Variants in VPS13B observed in about 807,000 individuals in gnomAD.
The protein encoded by VPS13B is intermembrane lipid transfer protein VPS13B.
A neutral mutation model predicts 426.4 loss-of-function variants in VPS13B; 285 were observed. The ratio of observed to expected loss-of-function variants is 0.67; its 90% CI spans 0.61 to 0.74. The LOEUF (loss-of-function observed/expected upper bound fraction) is 0.74. VPS13B is among the 30% of genes least tolerant of loss of function. The pLI, the probability that VPS13B is intolerant of heterozygous loss-of-function variation, is 0.00. For missense variants in VPS13B, 4,537 were observed against 4,782.6 expected (o/e 0.95, Z 1.51); for synonymous variants, 1,676 against 1,676.4 (o/e 1.00, Z 0.01).
chr8:99,441,177 T>C (rs1381950947), intron 22 of VPS13B, among the ~76,000 whole-genome samples: 1 of 152,110 alleles, frequency 6.6e-6, no homozygotes, highest in East Asian at 1.9e-4. Context: ...AAATTTTACC[T>C]GTATTTTTCA....
At chr8:99,238,047 G>A (rs931817192) in intron 17 of VPS13B, among the ~76,000 whole-genome samples, 11 of 152,092 alleles carry the variant, frequency 7.2e-5, no homozygotes, top group African/African-American at 2.4e-4. Flanking sequence ...TTTGTGGGTC[G>A]TGCTTTTCCA....
rs549777375 is a variant in VPS13B, at chr8:99,063,208, T to C, written c.291+24642T>C. ...CAACTGAGGTACCTGGTTCCTCTCATTGGGACTGGTTGGACAGTGGGTGCA... is the reference window on the plus strand; with the variant it reads ...CAACTGAGGTACCTGGTTCCTCTCACTGGGACTGGTTGGACAGTGGGTGCA... On this transcript the variant is annotated intron_variant, in intron 3 of 61. Coordinates refer to ENST00000357162, the MANE Select transcript of VPS13B (RefSeq NM_152564.5). Among the ~76,000 whole-genome samples, 14 of 152,226 alleles carry C rather than the reference T, an allele frequency of 9.2e-5. No homozygotes were observed. The South Asian group carries it at 2.1e-3, about 23-fold the overall frequency.
At chr8:99,121,597 C>T (rs1847936551) in intron 8 of VPS13B, 152 bp downstream of exon 8, 14 of 1,443,108 alleles carry the variant, frequency 9.7e-6, no homozygotes, top group South Asian at 1.6e-5. Context: ...TTACATGGCT[C>T]CTCCACTTGA....
chr8:99,182,528 A>G (rs1812997036), intron 16 of VPS13B, among the ~76,000 whole-genome samples: 2 of 152,218 alleles, frequency 1.3e-5, no homozygotes, highest in Admixed American at 6.5e-5. Context: ...TAAAGAAAAA[A>G]GGACTGAAAA....
At chr8:99,768,581 A>G (rs894562570) in intron 40 of VPS13B, among the ~76,000 whole-genome samples, 3 of 152,204 alleles carry the variant, frequency 2.0e-5, no homozygotes, top group African/African-American at 7.2e-5. Context: ...TTGTAGCCTC[A>G]TAGTCTTTTT....
intron 35 of VPS13B, among the ~76,000 whole-genome samples, chr8:99,669,802 A>G (rs1438840890): frequency 2.6e-5 from 4 of 152,026 alleles, no homozygotes; most frequent in Non-Finnish European, 5.9e-5. Flanking sequence ...GTTGACTTGA[A>G]CTGGTTATAA....
intron 52 of VPS13B, among the ~76,000 whole-genome samples, chr8:99,834,653 T>C (rs115384526): frequency 2.5e-4 from 38 of 152,176 alleles, no homozygotes; most frequent in African/African-American, 7.9e-4. Context: ...CCTCCCAGGC[T>C]CCAGCCATCC....
At chr8:99,163,786 A>G (rs950578506) in intron 15 of VPS13B, among the ~76,000 whole-genome samples, 1 of 150,136 alleles carries the variant, frequency 6.7e-6, no homozygotes, top group African/African-American at 2.5e-5. Context: ...CTCTCCCTCC[A>G]CACCTCCCTG....
chr8:99,549,751 C>T (rs1824177966), intron 30 of VPS13B, among the ~76,000 whole-genome samples: 1 of 152,110 alleles, frequency 6.6e-6, no homozygotes, highest in South Asian at 2.1e-4. Flanking sequence ...ATTGCTTTCT[C>T]CCCTGCCTCT....
intron 15 of VPS13B, 88 bp from the exon 16 acceptor site, chr8:99,169,951 G>A: frequency 6.7e-7 from 1 of 1,493,440 alleles, no homozygotes; most frequent in Non-Finnish European, 9.3e-7. Flanking sequence ...TGCAGCTGTT[G>A]TAAAGCAAGT....
intron 2 of VPS13B, among the ~76,000 whole-genome samples, chr8:99,028,699 G>T (rs1269495973): frequency 2.1e-5 from 3 of 142,642 alleles, no homozygotes; most frequent in Non-Finnish European, 4.6e-5. Context: ...CCCGGACGGG[G>T]CGGCTGGCCG....
chr8:99,836,288 A>T (rs182178173), intron 54 of VPS13B, among the ~76,000 whole-genome samples: 1 of 152,286 alleles, frequency 6.6e-6, no homozygotes, highest in East Asian at 1.9e-4. Flanking sequence ...TGGACTTAAA[A>T]TTTACCATTT....
chr8:99,798,290 T>C (rs1038070032), intron 43 of VPS13B, among the ~76,000 whole-genome samples: 6 of 151,926 alleles, frequency 3.9e-5, no homozygotes, highest in Admixed American at 2.0e-4. Context: ...TGAGGGAGCT[T>C]ACAGTGCCTT....
At chr8:99,303,383 CAT>C (rs1820473419) in intron 19 of VPS13B, among the ~76,000 whole-genome samples, 2 of 151,124 alleles carry the variant, frequency 1.3e-5, no homozygotes, top group African/African-American at 4.9e-5. Context: ...CCCCTTGATT[CAT>C]AGAGTGCTTT....
chr8:99,644,060 G>A (rs202204287), intron 34 of VPS13B, among the ~76,000 whole-genome samples: 5 of 152,106 alleles, frequency 3.3e-5, no homozygotes, highest in Admixed American at 6.6e-5. Context: ...TGGGTGGCCC[G>A]TACTAAAAAT....
At chr8:99,299,858 C>T (rs1439514979) in intron 19 of VPS13B, among the ~76,000 whole-genome samples, 2 of 152,068 alleles carry the variant, frequency 1.3e-5, no homozygotes, top group African/African-American at 4.8e-5. Context: ...TGCAGTGAGC[C>T]GTGATCGTGC....
At chr8:99,784,004 T>A (rs1274896485) in intron 42 of VPS13B, among the ~76,000 whole-genome samples, 1 of 152,220 alleles carries the variant, frequency 6.6e-6, no homozygotes, top group African/African-American at 2.4e-5. Context: ...CAGCACTGTT[T>A]GTAGCATGTT....
rs1399064323 is a variant in VPS13B, at chr8:99,720,862, G to A, written c.6866-1G>A. 1 of 1,611,704 alleles carries A rather than the reference G, an allele frequency of 6.2e-7. No homozygotes were observed. The highest frequency in any genetic ancestry group is 8.5e-7 in the Non-Finnish European group (1 of 1,178,704). On this transcript the variant is annotated splice_acceptor_variant, in intron 38 of 61. Transcript: ENST00000357162. LOFTEE classifies it high-confidence loss of function. ...CAATTAATTATACTTTTATTTGACA[G>A]AATCTTTGAAATTGCCTGGGGTCTA...
At position 99,745,841 on chromosome 8, in the gene VPS13B, C is replaced by A. The variant is rs114520026; in HGVS notation, c.7051-20933C>A. Among the ~76,000 whole-genome samples, 500 of 152,168 alleles carry A rather than the reference C, an allele frequency of 3.3e-3. 2 individuals carry two copies. Among genetic ancestry groups the A allele is most frequent in the African/African-American group, 0.011 (445 of 41,534 alleles). ...ATTTTAAAAGAAGTCTCAGCTATATCATTTTATCCATATTATCAGAGCCAA... is the reference window on the plus strand; with the variant it reads ...ATTTTAAAAGAAGTCTCAGCTATATAATTTTATCCATATTATCAGAGCCAA... On this transcript the variant is annotated intron_variant, in intron 39 of 61. Transcript: ENST00000357162.
Sources: allele counts gnomAD v4.1 joint callset (sites outside exome capture counted in the v4.1 genomes callset), GRCh38; gene constraint gnomAD v4.1.1; transcripts MANE v1.5; gene names NCBI Gene and HGNC (gene_info 2026-07-23, HGNC 2026-07-21).